The following SINHCAF variants were observed in gnomAD, a reference collection of about 807,000 sequenced individuals.
SINHCAF encodes SIN3-HDAC complex associated factor, also known as SIN3-HDAC complex-associated factor.
SINHCAF carries 3 observed loss-of-function variants against 25.8 expected under a neutral mutation model. The ratio of observed to expected loss-of-function variants is 0.12; its 90% CI spans 0.05 to 0.30. The LOEUF (loss-of-function observed/expected upper bound fraction) is 0.30, where lower values mean the gene tolerates loss of function less well. Among genes scored for constraint, SINHCAF ranks in the 10% least tolerant of loss-of-function variants. The probability of loss-of-function intolerance (pLI) is 1.00; values close to 1 mark genes in which losing one functional copy is unlikely to be tolerated. For missense variants in SINHCAF, 121 were observed against 262.3 expected, an observed-to-expected ratio of 0.46 and a Z score of 3.72; for synonymous variants, 70 against 85.5, an observed-to-expected ratio of 0.82 and a Z score of 1.00.
intron 1 of SINHCAF, among the ~76,000 whole-genome samples, chr12:31,311,068 C>T (rs1344824929): frequency 6.6e-6 from 1 of 152,126 alleles, no homozygotes; most frequent in Admixed American, 6.5e-5. Context: ...TGGGGTTTCA[C>T]CAGTTGGCCA....
In SINHCAF at chr12:31,293,868, G is replaced by A; in HGVS notation, c.292C>T (p.Leu98=). 6.2e-6 allele frequency: 10 copies of A among 1,613,368 alleles called. No individual in the cohort carries two copies. The highest frequency in any genetic ancestry group is 8.5e-6 in the Non-Finnish European group (10 of 1,179,576). ...TTLKPKKVKT[L]SGNRIKSNQI... ...TTGCTTTTTATCCTGTTCCCAGATA[G>A]AGTTTTCACTTTCTTTGGTTTCAAT... The change falls in exon 4 of 6, where the codon CTA becomes TTA. Residue 98 remains leucine, a synonymous_variant. Transcript: ENST00000337682.
At chr12:31,309,738 T>C (rs1376949679) in intron 1 of SINHCAF, among the ~76,000 whole-genome samples, 3 of 149,874 alleles carry the variant, frequency 2.0e-5, no homozygotes, top group Non-Finnish European at 3.0e-5. Flanking sequence ...TGATCTCGGC[T>C]CACCGCAACC....
intron 1 of SINHCAF, among the ~76,000 whole-genome samples, chr12:31,308,606 A>AGGAGGAGGTATGCATACACT (rs1939130520): frequency 6.6e-6 from 1 of 152,156 alleles, no homozygotes; most frequent in African/African-American, 2.4e-5. Flanking sequence ...GTCAGAGCAA[A>AGGAGGAGGTATGCATACACT]GGAGGAGGTA....
intron 5 of SINHCAF, among the ~76,000 whole-genome samples, chr12:31,285,463 A>C (rs1938017863): frequency 6.6e-6 from 1 of 151,846 alleles, no homozygotes; most frequent in Non-Finnish European, 1.5e-5. Context: ...ACATAAATAA[A>C]TGTTATTCGA....
chr12:31,307,334 C>T (rs1321888439), intron 1 of SINHCAF, among the ~76,000 whole-genome samples: 2 of 152,054 alleles, frequency 1.3e-5, no homozygotes, highest in Admixed American at 1.3e-4. Flanking sequence ...GGTGGGCAGA[C>T]CGCTTGAGCC....
chr12:31,297,164 G>A, intron 2 of SINHCAF: 1 of 307,478 alleles, frequency 3.3e-6, no homozygotes, highest in Non-Finnish European at 6.6e-6. Context: ...TAACTATTCT[G>A]AAGGTGTCAA....
chr12:31,302,338 T>C (rs547068597), intron 1 of SINHCAF, among the ~76,000 whole-genome samples: 1 of 152,156 alleles, frequency 6.6e-6, no homozygotes, highest in South Asian at 2.1e-4. Flanking sequence ...TCTTATGGTA[T>C]ATAAATGAGT....
chr12:31,316,572 C>T (rs1246190828), intron 1 of SINHCAF, among the ~76,000 whole-genome samples: 1 of 152,014 alleles, frequency 6.6e-6, no homozygotes, highest in Non-Finnish European at 1.5e-5. Flanking sequence ...TCAAGAATAA[C>T]GTCTAATTTT....
chr12:31,299,537 C>T lies in SINHCAF; in HGVS notation c.-20-1313G>A, dbSNP rs186138160. On this transcript the variant is annotated intron_variant, in intron 1 of 5. Coordinates refer to ENST00000337682, the MANE Select transcript of SINHCAF (RefSeq NM_001135812.2). ...TTCAGCATGTTAGCCAGGATGGTCT[C>T]GATCTCCTGACCTTGTGATCCACCC... 6.7e-3 allele frequency among the ~76,000 whole-genome samples: 1,017 copies of T among 152,116 alleles called. 17 individuals carry two copies. Among genetic ancestry groups the T allele is most frequent in the African/African-American group, 0.023 (965 of 41,510 alleles).
In SINHCAF at chr12:31,313,046, C is replaced by G. The variant is rs12579579; in HGVS notation, c.-21+12978G>C. On this transcript the variant is annotated intron_variant, in intron 1 of 5. Transcript: ENST00000337682. Reference sequence around the variant, plus strand: ...ATCACTCTTTTCTTTTTTTTTGAGACGCAGTTTTGCTCTCGTTGCCCAGGC... The same window carrying G: ...ATCACTCTTTTCTTTTTTTTTGAGAGGCAGTTTTGCTCTCGTTGCCCAGGC... Among the ~76,000 whole-genome samples the G allele has an allele frequency of 1.8e-4, 28 of 152,036 alleles. 1 individual carries two copies. In the East Asian group the frequency reaches 5.4e-3, roughly 29 times the overall value.
intron 4 of SINHCAF, among the ~76,000 whole-genome samples, chr12:31,292,299 G>A (rs1938360714): frequency 6.6e-6 from 1 of 152,098 alleles, no homozygotes; most frequent in Non-Finnish European, 1.5e-5. Context: ...CTCAGTTTGA[G>A]ACCAGCGTGG....
In SINHCAF at chr12:31,282,472, A is replaced by C. The variant is rs922874678; in HGVS notation, c.*240T>G. 11 of 328,846 alleles carry C rather than the reference A, an allele frequency of 3.3e-5. No homozygotes were observed. Among genetic ancestry groups the C allele is most frequent in the African/African-American group, 1.5e-4 (7 of 46,846 alleles). 20.4% of individuals were successfully genotyped at this position (328,846 alleles called of 1,614,324 possible). On this transcript the variant is annotated 3_prime_UTR_variant, in exon 6 of 6. Transcript: ENST00000337682. The stretch of plus-strand genomic sequence containing the variant: ...ACCCCGTCTCTACTAAAACTAAAAA[A>C]TTAGCCGGGTCTGGTGGCGGGCACC...
intron 1 of SINHCAF, among the ~76,000 whole-genome samples, chr12:31,300,738 T>C (rs1473693059): frequency 6.6e-6 from 1 of 152,128 alleles, no homozygotes; most frequent in African/African-American, 2.4e-5. Flanking sequence ...TATTCCTGTT[T>C]TAAGGCAAAA....
chr12:31,308,831 GA>G (rs771701876), intron 1 of SINHCAF, among the ~76,000 whole-genome samples: 3 of 151,964 alleles, frequency 2.0e-5, no homozygotes, highest in Non-Finnish European at 4.4e-5. Flanking sequence ...ATCCGCAACT[GA>G]AAAATATCGT....
intron 1 of SINHCAF, among the ~76,000 whole-genome samples, chr12:31,300,176 A>C (rs1045071702): frequency 3.9e-5 from 6 of 152,088 alleles, no homozygotes; most frequent in Non-Finnish European, 7.4e-5. Context: ...TTTTATGTGT[A>C]TTTTTTTGGT....
At chr12:31,310,989 C>A (rs1313269904) in intron 1 of SINHCAF, among the ~76,000 whole-genome samples, 5 of 151,896 alleles carry the variant, frequency 3.3e-5, no homozygotes, top group Non-Finnish European at 7.4e-5. Flanking sequence ...CCTGCCTCAG[C>A]CTCCTGAGGA....
chr12:31,298,266 T>C (rs780385574), intron 1 of SINHCAF, 42 bp from the exon 2 acceptor site: 4 of 1,606,986 alleles, frequency 2.5e-6, no homozygotes, highest in Non-Finnish European at 3.4e-6. Context: ...TTGAGGGCTG[T>C]AACAAGGAAC....
chr12:31,299,684 T>A (rs1012356594), intron 1 of SINHCAF, among the ~76,000 whole-genome samples: 1 of 152,240 alleles, frequency 6.6e-6, no homozygotes, highest in Non-Finnish European at 1.5e-5. Context: ...ACTATCTTTT[T>A]AAAGTTGTTT....
intron 1 of SINHCAF, among the ~76,000 whole-genome samples, chr12:31,320,077 A>T (rs1939640711): frequency 6.6e-6 from 1 of 152,206 alleles, no homozygotes; most frequent in Non-Finnish European, 1.5e-5. Flanking sequence ...AACTCCTGTC[A>T]GAACCTTGTA....
Sources: allele counts gnomAD v4.1 joint callset (sites outside exome capture counted in the v4.1 genomes callset), GRCh38; gene constraint gnomAD v4.1.1; transcripts MANE v1.5; gene names NCBI Gene and HGNC (gene_info 2026-07-23, HGNC 2026-07-21).